The following PPP1R9A variants were observed in gnomAD, a reference collection of about 807,000 sequenced individuals.
The protein encoded by PPP1R9A is protein phosphatase 1 regulatory subunit 9A, also known as neurabin-1.
In PPP1R9A, 59 loss-of-function variants were observed where a neutral mutation model predicts 141.9. The observed-to-expected ratio is 0.42, with a 90% CI of 0.34 to 0.52. PPP1R9A has a LOEUF of 0.52. Ranked by LOEUF, PPP1R9A falls within the 20% of genes least tolerant of loss-of-function variation. PPP1R9A has a pLI of 0.10. For missense variants in PPP1R9A, 1,444 were observed against 1,611.9 expected, an observed-to-expected ratio of 0.90 and a Z score of 1.78; for synonymous variants, 500 against 569.7, an observed-to-expected ratio of 0.88 and a Z score of 1.74.
intron 2 of PPP1R9A, among the ~76,000 whole-genome samples, chr7:94,982,878 A>G (rs1347124089): frequency 6.6e-6 from 1 of 152,140 alleles, no homozygotes; most frequent in Non-Finnish European, 1.5e-5. Context: ...TGTTTTAGTC[A>G]TGAAGTCCTT....
chr7:94,996,799 G>GTTT (rs34164253), intron 2 of PPP1R9A, among the ~76,000 whole-genome samples: 27 of 111,634 alleles, frequency 2.4e-4, no homozygotes, highest in African/African-American at 5.6e-4. Context: ...GATACTCTGT[G>GTTT]TTTTTTTTTT....
intron 2 of PPP1R9A, among the ~76,000 whole-genome samples, chr7:95,049,439 C>A (rs1810484921): frequency 6.6e-6 from 1 of 152,118 alleles, no homozygotes; most frequent in African/African-American, 2.4e-5. Flanking sequence ...AAGAGAGGCT[C>A]CATACATACC....
At chr7:95,168,357 T>A (rs980245435) in intron 5 of PPP1R9A, among the ~76,000 whole-genome samples, 5 of 152,064 alleles carry the variant, frequency 3.3e-5, no homozygotes, top group Non-Finnish European at 5.9e-5. Flanking sequence ...AGAATGAAAC[T>A]GGACCCTTAT....
At chr7:94,956,693 G>C (rs2151085350) in intron 2 of PPP1R9A, among the ~76,000 whole-genome samples, 1 of 152,150 alleles carries the variant, frequency 6.6e-6, no homozygotes, top group South Asian at 2.1e-4. Flanking sequence ...GGGCAACAGG[G>C]TGAGACCTTG....
chr7:95,233,595 A>G (rs1796276626), intron 8 of PPP1R9A, among the ~76,000 whole-genome samples: 1 of 152,196 alleles, frequency 6.6e-6, no homozygotes, highest in African/African-American at 2.4e-5. Context: ...ATTCTGTCAG[A>G]CATTCAAAGA....
chr7:95,023,281 AT>A (rs1806270905), intron 2 of PPP1R9A, among the ~76,000 whole-genome samples: 1 of 152,126 alleles, frequency 6.6e-6, no homozygotes, highest in East Asian at 1.9e-4. Context: ...TGTTTATAGT[AT>A]TCTCTGATGG....
At chr7:95,269,638 A>G (rs1259986276) in intron 14 of PPP1R9A, 131 bp downstream of exon 14, 5 of 676,696 alleles carry the variant, frequency 7.4e-6, no homozygotes, top group Non-Finnish European at 8.7e-6. Flanking sequence ...TTTATATTAT[A>G]GAATAAGAGA....
chr7:95,077,493 A>T (rs1815035185), intron 2 of PPP1R9A, among the ~76,000 whole-genome samples: 1 of 152,158 alleles, frequency 6.6e-6, no homozygotes, highest in South Asian at 2.1e-4. Context: ...ATACAGATTT[A>T]AGAGTGAATG....
chr7:94,932,677 C>T (rs1342599982), intron 2 of PPP1R9A, among the ~76,000 whole-genome samples: 1 of 151,922 alleles, frequency 6.6e-6, no homozygotes, highest in Non-Finnish European at 1.5e-5. Flanking sequence ...ACTACCTGCT[C>T]TACCAATAAT....
intron 5 of PPP1R9A, among the ~76,000 whole-genome samples, chr7:95,191,433 T>C (rs1260161742): frequency 6.6e-6 from 1 of 152,200 alleles, no homozygotes; most frequent in African/African-American, 2.4e-5. Context: ...AATTAGCATA[T>C]CTATGATCTC....
intron 12 of PPP1R9A, among the ~76,000 whole-genome samples, chr7:95,257,978 T>G (rs1185949284): frequency 2.0e-5 from 3 of 152,160 alleles, no homozygotes; most frequent in African/African-American, 7.2e-5. Flanking sequence ...AATAAACATA[T>G]GTGTGCATGT....
At chr7:95,170,707 T>C (rs1831976376) in intron 5 of PPP1R9A, among the ~76,000 whole-genome samples, 2 of 151,494 alleles carry the variant, frequency 1.3e-5, no homozygotes, top group South Asian at 4.1e-4. Flanking sequence ...GAGAATACTA[T>C]TATAAGAAAT....
intron 7 of PPP1R9A, among the ~76,000 whole-genome samples, chr7:95,220,195 G>A (rs567235108): frequency 9.2e-5 from 14 of 152,194 alleles, no homozygotes; most frequent in Admixed American, 1.3e-4. Context: ...TGTTTTTGCC[G>A]AAAGGCCTCT....
chr7:95,285,830 ACT>A (rs541023964), intron 17 of PPP1R9A, among the ~76,000 whole-genome samples: 57 of 151,888 alleles, frequency 3.8e-4, no homozygotes, highest in Non-Finnish European at 4.7e-4. Context: ...GTTCCTAATA[ACT>A]CAGCCTCTCC....
intron 2 of PPP1R9A, among the ~76,000 whole-genome samples, chr7:95,044,958 G>A (rs1809791665): frequency 6.6e-6 from 1 of 151,722 alleles, no homozygotes; most frequent in Non-Finnish European, 1.5e-5. Context: ...TTCAGTAAAG[G>A]GCAATAAAAA....
At chr7:95,179,433 A>G (rs1262413725) in intron 5 of PPP1R9A, among the ~76,000 whole-genome samples, 1 of 152,118 alleles carries the variant, frequency 6.6e-6, no homozygotes, top group Non-Finnish European at 1.5e-5. Context: ...AATGGTGAAA[A>G]GTTGAAAGCA....
At chr7:94,912,669 T>G in intron 2 of PPP1R9A, among the ~76,000 whole-genome samples, 1 of 152,198 alleles carries the variant, frequency 6.6e-6, no homozygotes, top group East Asian at 1.9e-4. Context: ...TTGTTCTGAT[T>G]ATGAAATACT....
intron 8 of PPP1R9A, among the ~76,000 whole-genome samples, chr7:95,229,336 T>C (rs780547579): frequency 6.6e-6 from 1 of 151,996 alleles, no homozygotes; most frequent in Non-Finnish European, 1.5e-5. Flanking sequence ...GTCTGCTTGC[T>C]TTCTCAACAG....
chr7:95,159,401 C>A (rs1457134481), intron 4 of PPP1R9A, among the ~76,000 whole-genome samples: 1 of 152,062 alleles, frequency 6.6e-6, no homozygotes, highest in Non-Finnish European at 1.5e-5. Flanking sequence ...AGGTCAAACA[C>A]TTTATTCTTT....
Sources: gnomAD v4.1 joint callset for allele counts (sites outside exome capture counted in the v4.1 genomes callset) on GRCh38, gnomAD v4.1.1 for gene constraint, MANE v1.5 for transcripts, NCBI Gene and HGNC (gene_info 2026-07-23, HGNC 2026-07-21) for gene names.